The following RAPGEF4 variants were observed in gnomAD, a reference collection of about 807,000 sequenced individuals.
RAPGEF4 encodes Rap guanine nucleotide exchange factor 4.
RAPGEF4 carries 66 observed loss-of-function variants against 147.9 expected under a neutral mutation model. The ratio of observed to expected loss-of-function variants is 0.45; its 90% CI spans 0.37 to 0.55. RAPGEF4 has a LOEUF of 0.55. RAPGEF4 is among the 20% of genes least tolerant of loss of function. The pLI, the probability that RAPGEF4 is intolerant of heterozygous loss-of-function variation, is 0.00. For missense variants in RAPGEF4, 1,071 were observed against 1,257.3 expected (o/e 0.85, Z 2.24); for synonymous variants, 419 against 442.7 (o/e 0.95, Z 0.67).
At chr2:173,037,598 T>C (rs1199828247) in intron 29 of RAPGEF4, among the ~76,000 whole-genome samples, 3 of 152,332 alleles carry the variant, frequency 2.0e-5, no homozygotes, top group Admixed American at 6.5e-5. Context: ...GGAATGATCA[T>C]TGTCTTCTGA....
chr2:172,971,776 T>G (rs1204025697), intron 10 of RAPGEF4, among the ~76,000 whole-genome samples: 3 of 152,068 alleles, frequency 2.0e-5, no homozygotes, highest in Non-Finnish European at 4.4e-5. Flanking sequence ...GATCTGCTAA[T>G]AATCTTTGGA....
intron 1 of RAPGEF4, among the ~76,000 whole-genome samples, chr2:172,785,159 G>A (rs1027649551): frequency 6.6e-6 from 1 of 152,174 alleles, no homozygotes; most frequent in Non-Finnish European, 1.5e-5. Flanking sequence ...TTATCTAACA[G>A]GGCTGCAATG....
intron 4 of RAPGEF4, among the ~76,000 whole-genome samples, chr2:172,870,725 C>T (rs959169991): frequency 6.6e-6 from 1 of 152,108 alleles, no homozygotes. Flanking sequence ...GGTGAGATTA[C>T]TTATCTTTAT....
chr2:172,745,367 T>G (rs1694673511), intron 1 of RAPGEF4, among the ~76,000 whole-genome samples: 1 of 152,146 alleles, frequency 6.6e-6, no homozygotes, highest in Non-Finnish European at 1.5e-5. Flanking sequence ...ATAGAGTTGT[T>G]CATAGTATTC....
Position 172,971,673 on chromosome 2 carries a change from G to A in RAPGEF4, c.1004+4229G>A, listed in dbSNP as rs73015693. 9.5e-3 allele frequency among the ~76,000 whole-genome samples: 1,453 copies of A among 152,234 alleles called. 21 individuals carry two copies. Among genetic ancestry groups the A allele is most frequent in the African/African-American group, 0.033 (1,385 of 41,518 alleles). On this transcript the variant is annotated intron_variant, in intron 10 of 30. Coordinates refer to ENST00000397081, the MANE Select transcript of RAPGEF4 (RefSeq NM_007023.4). ...CTCTTTCTGCTGGAATAAGAGCTCT[G>A]AGAGATGGGAAAGTGAAAAGTAAGG...
chr2:172,879,867 T>C (rs2149847353), intron 4 of RAPGEF4, among the ~76,000 whole-genome samples: 1 of 152,264 alleles, frequency 6.6e-6, no homozygotes, highest in South Asian at 2.1e-4. Context: ...CAACTTAGCT[T>C]TCTGGGAAAA....
intron 6 of RAPGEF4, among the ~76,000 whole-genome samples, chr2:172,948,353 G>A (rs1687886062): frequency 6.6e-6 from 1 of 152,138 alleles, no homozygotes; most frequent in South Asian, 2.1e-4. Flanking sequence ...GAAATTATAA[G>A]CACAATTTTA....
chr2:172,959,706 C>T (rs114582146), intron 6 of RAPGEF4, among the ~76,000 whole-genome samples: 73 of 152,250 alleles, frequency 4.8e-4, no homozygotes, highest in African/African-American at 1.3e-3. Context: ...AGCAAGAAAA[C>T]GAAGGGGTTT....
At chr2:172,904,985 T>C (rs985593163) in intron 4 of RAPGEF4, among the ~76,000 whole-genome samples, 1 of 151,946 alleles carries the variant, frequency 6.6e-6, no homozygotes, top group Non-Finnish European at 1.5e-5. Context: ...TCCTGGCCCC[T>C]GTGTGCTGAG....
intron 4 of RAPGEF4, among the ~76,000 whole-genome samples, chr2:172,882,306 C>G (rs1298557586): frequency 6.6e-6 from 1 of 152,156 alleles, no homozygotes; most frequent in South Asian, 2.1e-4. Flanking sequence ...TTCCTCTTTG[C>G]AGTCCTGTGT....
At chr2:172,782,404 T>G (rs1684767541) in intron 1 of RAPGEF4, among the ~76,000 whole-genome samples, 1 of 152,192 alleles carries the variant, frequency 6.6e-6, no homozygotes. Flanking sequence ...TCCATGTTCT[T>G]TCTCTTCGAA....
At chr2:172,869,762 C>G (rs192788819) in intron 4 of RAPGEF4, among the ~76,000 whole-genome samples, 6 of 152,268 alleles carry the variant, frequency 3.9e-5, no homozygotes, top group Admixed American at 2.6e-4. Flanking sequence ...TTTATCTGCT[C>G]TGTCTCACAT....
chr2:172,882,126 A>G (rs983766690), intron 4 of RAPGEF4, among the ~76,000 whole-genome samples: 1 of 152,202 alleles, frequency 6.6e-6, no homozygotes, highest in Non-Finnish European at 1.5e-5. Context: ...AACTTTTTCA[A>G]ATTAAATTAT....
At chr2:172,832,135 A>T (rs1690421709) in intron 4 of RAPGEF4, among the ~76,000 whole-genome samples, 1 of 152,194 alleles carries the variant, frequency 6.6e-6, no homozygotes, top group East Asian at 1.9e-4. Flanking sequence ...GTTTATTAAA[A>T]GTGTTTCTTC....
chr2:173,036,478 T>G (rs1684022201), intron 28 of RAPGEF4, 150 bp from the exon 29 acceptor site: 1 of 680,104 alleles, frequency 1.5e-6, no homozygotes, highest in African/African-American at 1.8e-5. Context: ...ATTTAAAAAG[T>G]TAAACACCTA....
intron 4 of RAPGEF4, among the ~76,000 whole-genome samples, chr2:172,887,188 C>T (rs984301641): frequency 7.2e-5 from 10 of 138,796 alleles, no homozygotes; most frequent in African/African-American, 2.2e-4. Context: ...AGCGAGACTC[C>T]GTCTCAAAAA....
chr2:172,801,334 C>T (rs1462067215), intron 3 of RAPGEF4, among the ~76,000 whole-genome samples: 2 of 152,188 alleles, frequency 1.3e-5, no homozygotes, highest in Non-Finnish European at 2.9e-5. Flanking sequence ...AGAGTCAAGT[C>T]TTTCAGGGAG....
intron 1 of RAPGEF4, among the ~76,000 whole-genome samples, chr2:172,741,842 T>A (rs62168108): frequency 0.12 from 18,416 of 152,080 alleles, 1,226 homozygotes; most frequent in Non-Finnish European, 0.14. Context: ...TGGCTAATTT[T>A]AAAAATTTTT....
At chr2:172,937,140 G>A (rs13022949) in intron 6 of RAPGEF4, among the ~76,000 whole-genome samples, 57,694 of 150,322 alleles carry the variant, frequency 0.38, 11,709 homozygotes, top group Middle Eastern at 0.5. Context: ...AGGATCACTC[G>A]AGCCCAGGAA....
Sources: allele counts gnomAD v4.1 joint callset (sites outside exome capture counted in the v4.1 genomes callset), GRCh38; gene constraint gnomAD v4.1.1; transcripts MANE v1.5; gene names NCBI Gene and HGNC (gene_info 2026-07-23, HGNC 2026-07-21).